Variants in MALRD1 observed in about 807,000 individuals in gnomAD.
MALRD1 encodes MAM and LDL-receptor class A domain-containing protein 1.
Under a neutral mutation model 242.1 loss-of-function variants are expected in MALRD1, and 247 were observed. The ratio of observed to expected loss-of-function variants is 1.02; its 90% CI spans 0.92 to 1.13. The LOEUF (loss-of-function observed/expected upper bound fraction) is 1.13. Among genes scored for constraint, MALRD1 ranks in the 50% most tolerant of loss-of-function variants. The pLI is 0.00. For missense variants in MALRD1, 2,989 were observed against 2,533.1 expected, an observed-to-expected ratio of 1.18 and a Z score of -3.86; for synonymous variants, 995 against 866.6, an observed-to-expected ratio of 1.15 and a Z score of -2.60.
chr10:19,640,103 T>C (rs997345629), intron 36 of MALRD1, among the ~76,000 whole-genome samples: 2 of 152,158 alleles, frequency 1.3e-5, no homozygotes, highest in Non-Finnish European at 2.9e-5. Context: ...TTTATTTTTT[T>C]CTTGAGAAAG....
At chr10:19,264,635 C>T (rs1839900501) in intron 19 of MALRD1, among the ~76,000 whole-genome samples, 2 of 151,618 alleles carry the variant, frequency 1.3e-5, no homozygotes, top group Non-Finnish European at 1.5e-5. Context: ...TTGTACTTTT[C>T]GTAGATCCGG....
At chr10:19,358,815 C>A (rs1347536437) in intron 26 of MALRD1, among the ~76,000 whole-genome samples, 1 of 152,146 alleles carries the variant, frequency 6.6e-6, no homozygotes, top group African/African-American at 2.4e-5. Flanking sequence ...GGTGACATTT[C>A]TTAAAAGGAT....
intron 19 of MALRD1, among the ~76,000 whole-genome samples, chr10:19,258,139 G>A (rs1839600222): frequency 6.6e-6 from 1 of 151,950 alleles, no homozygotes; most frequent in Non-Finnish European, 1.5e-5. Context: ...CTCTCGGGAG[G>A]CACTTTAAAT....
At chr10:19,590,016 C>T (rs901119654) in intron 33 of MALRD1, among the ~76,000 whole-genome samples, 13 of 152,102 alleles carry the variant, frequency 8.5e-5, no homozygotes, top group African/African-American at 3.1e-4. Flanking sequence ...GGCCTTACAC[C>T]TCAATGCCAT....
At position 19,124,513 on chromosome 10, in the gene MALRD1, C is replaced by G; in HGVS notation, c.797-11C>G. On this transcript the variant is annotated splice_polypyrimidine_tract_variant and intron_variant, in intron 6 of 39. Transcript: ENST00000454679. ...ACTAATAGTCCACCAAGATCTTTTTCTCCCGTTTAGTGTGTCAGGCCTGTG... is the reference window on the plus strand; with the variant it reads ...ACTAATAGTCCACCAAGATCTTTTTGTCCCGTTTAGTGTGTCAGGCCTGTG... 8.1e-7 allele frequency: 1 copy of G among 1,233,712 alleles called. No individual in the cohort carries two copies. Among genetic ancestry groups the G allele is most frequent in the Non-Finnish European group, 1.0e-6 (1 of 988,048 alleles). The allele number at this position is 1,233,712 out of a possible 1,614,324, so 76.4% of individuals were successfully genotyped here. A position where few individuals can be genotyped will look rare whatever the true frequency, so the allele number is the denominator to read the frequency against.
At chr10:19,665,394 A>G (rs533063948) in intron 36 of MALRD1, among the ~76,000 whole-genome samples, 5 of 152,256 alleles carry the variant, frequency 3.3e-5, no homozygotes, top group Admixed American at 6.5e-5. Context: ...TCTTCCGGTG[A>G]TAAGGTCGTT....
chr10:19,549,566 T>C (rs556100878), intron 32 of MALRD1, among the ~76,000 whole-genome samples: 2 of 152,308 alleles, frequency 1.3e-5, no homozygotes, highest in South Asian at 4.1e-4. Flanking sequence ...ATAATATATT[T>C]TTAAGTTAAG....
intron 18 of MALRD1, among the ~76,000 whole-genome samples, chr10:19,238,555 T>C (rs1185559450): frequency 3.3e-4 from 40 of 120,524 alleles, no homozygotes; most frequent in African/African-American, 7.3e-4. Flanking sequence ...ATATAATGTA[T>C]ATTATATATA....
At chr10:19,566,920 T>C (rs563922043) in intron 32 of MALRD1, among the ~76,000 whole-genome samples, 1 of 152,242 alleles carries the variant, frequency 6.6e-6, no homozygotes, top group African/African-American at 2.4e-5. Flanking sequence ...GAATCTAGCA[T>C]GTATGTTTGT....
At chr10:19,132,663 A>G (rs1833159337) in intron 8 of MALRD1, among the ~76,000 whole-genome samples, 1 of 152,296 alleles carries the variant, frequency 6.6e-6, no homozygotes, top group Admixed American at 6.5e-5. Flanking sequence ...ATCTCATGCT[A>G]GAAAGTGGGA....
intron 26 of MALRD1, among the ~76,000 whole-genome samples, chr10:19,371,702 C>A (rs1032900735): frequency 2.0e-5 from 3 of 151,978 alleles, no homozygotes; most frequent in Admixed American, 6.6e-5. Flanking sequence ...CTATAATTGT[C>A]TTTTTAAAGT....
intron 14 of MALRD1, among the ~76,000 whole-genome samples, chr10:19,176,366 C>CCTTTTTTTTTTT (rs1484132630): frequency 4.6e-5 from 4 of 87,296 alleles, no homozygotes; most frequent in African/African-American, 1.7e-4. Context: ...TTTCTGGGTG[C>CCTTTTTTTTTTT]TTTTTTTTTT....
chr10:19,473,652 T>A (rs1836601876), intron 29 of MALRD1, among the ~76,000 whole-genome samples: 1 of 152,150 alleles, frequency 6.6e-6, no homozygotes, highest in Admixed American at 6.5e-5. Flanking sequence ...GTGTCAAAAC[T>A]TCCATGAAAA....
intron 11 of MALRD1, among the ~76,000 whole-genome samples, chr10:19,146,634 T>A (rs1833736762): frequency 6.6e-6 from 1 of 152,168 alleles, no homozygotes; most frequent in Non-Finnish European, 1.5e-5. Flanking sequence ...CAGAATCAAG[T>A]ACAGTAGGCT....
chr10:19,119,741 TC>T (rs1836996750), intron 5 of MALRD1, among the ~76,000 whole-genome samples: 1 of 152,160 alleles, frequency 6.6e-6, no homozygotes, highest in African/African-American at 2.4e-5. Flanking sequence ...CTAATGTTAG[TC>T]CTACAAAGGC....
At chr10:19,400,507 C>T (rs767721828) in intron 28 of MALRD1, among the ~76,000 whole-genome samples, 2 of 152,110 alleles carry the variant, frequency 1.3e-5, no homozygotes, top group Non-Finnish European at 2.9e-5. Flanking sequence ...CTGTCTGTAG[C>T]AAGTAGCTTA....
intron 4 of MALRD1, among the ~76,000 whole-genome samples, chr10:19,102,129 A>G (rs887576640): frequency 6.8e-6 from 1 of 146,740 alleles, no homozygotes; most frequent in Non-Finnish European, 1.5e-5. Flanking sequence ...AAATTATATA[A>G]TATATATTAT....
rs916082090 is a variant in MALRD1 at position 19,347,708 on chromosome 10, T to C, written c.3902-63T>C. 1.1e-5 allele frequency: 16 copies of C among 1,516,768 alleles called. No individual in the cohort carries two copies. In the African/African-American group the frequency reaches 1.8e-4, roughly 17 times the overall value. 94.0% of individuals were successfully genotyped at this position (1,516,768 alleles called of 1,614,324 possible). Reference sequence around the variant, plus strand: ...ACAGCAAGATCACTGCAGTTTTGAATTGCATGTTTTAAAGTAGGCAAATTT... The same window carrying C: ...ACAGCAAGATCACTGCAGTTTTGAACTGCATGTTTTAAAGTAGGCAAATTT... On this transcript the variant is annotated intron_variant, in intron 24 of 39. Coordinates refer to ENST00000454679, the MANE Select transcript of MALRD1 (RefSeq NM_001142308.3).
At chr10:19,198,947 C>A (rs1287621889) in intron 14 of MALRD1, among the ~76,000 whole-genome samples, 1 of 152,090 alleles carries the variant, frequency 6.6e-6, no homozygotes, top group African/African-American at 2.4e-5. Flanking sequence ...TAACTTCAAA[C>A]ACATAACCAT....
Sources: allele counts gnomAD v4.1 joint callset (sites outside exome capture counted in the v4.1 genomes callset), GRCh38; gene constraint gnomAD v4.1.1; transcripts MANE v1.5; gene names NCBI Gene and HGNC (gene_info 2026-07-23, HGNC 2026-07-21).